The following TTC5 variants were observed in gnomAD, a reference collection of about 807,000 sequenced individuals.
The protein encoded by TTC5 is tetratricopeptide repeat domain 5.
Under a neutral mutation model 57.4 loss-of-function variants are expected in TTC5, and 46 were observed. The observed-to-expected ratio is 0.80, with a 90% confidence interval of 0.63 to 1.03. The LOEUF (loss-of-function observed/expected upper bound fraction) is 1.03. Among genes scored for constraint, TTC5 ranks in the 50% least tolerant of loss-of-function variants. TTC5 has a pLI of 0.00. For synonymous variants in TTC5, 190 were observed against 203.5 expected (o/e 0.93, Z 0.57); for missense variants, 504 against 528.1 (o/e 0.95, Z 0.45).
At chr14:20,292,905 C>T (rs990897234) in intron 8 of TTC5, 2 of 152,120 alleles carry the variant, frequency 1.3e-5, no homozygotes, top group Non-Finnish European at 2.9e-5. Context: ...TGTTAAAAAC[C>T]TCTGAGGGGA....
chr14:20,298,938 A>G, intron 4 of TTC5, 50 bp from the exon 5 acceptor site: 1 of 1,370,232 alleles, frequency 7.3e-7, no homozygotes, highest in South Asian at 1.2e-5. Context: ...AGTTCAAGAT[A>G]TGACTTATTT....
rs1881881079 is a variant in TTC5, at chr14:20,288,301, T to G, written c.*1326A>C. The G allele has an allele frequency of 6.6e-6, 1 of 152,246 alleles. No individual in the cohort carries two copies. Among genetic ancestry groups the G allele is most frequent in the Admixed American group, 6.5e-5 (1 of 15,280 alleles). The allele number at this position is 152,246 out of a possible 1,614,324, so 9.4% of individuals were successfully genotyped here. A position where few individuals can be genotyped will look rare whatever the true frequency, so the allele number is the denominator to read the frequency against. On this transcript the variant is annotated 3_prime_UTR_variant, in exon 10 of 10. Coordinates refer to ENST00000258821, the MANE Select transcript of TTC5 (RefSeq NM_138376.3). Reference sequence around the variant, plus strand: ...CTTTATAAATTTAATGAGTCATCAATGATATTCAAGGCACTGATCAAAAAC... The same window carrying G: ...CTTTATAAATTTAATGAGTCATCAAGGATATTCAAGGCACTGATCAAAAAC...
At chr14:20,297,339 A>C (rs1882086798) in intron 5 of TTC5, among the ~76,000 whole-genome samples, 1 of 152,242 alleles carries the variant, frequency 6.6e-6, no homozygotes, top group Admixed American at 6.5e-5. Flanking sequence ...GGCTATGTTC[A>C]TGACTATGCT....
intron 5 of TTC5, among the ~76,000 whole-genome samples, chr14:20,296,888 C>T (rs1180721884): frequency 6.6e-6 from 1 of 152,056 alleles, no homozygotes; most frequent in Non-Finnish European, 1.5e-5. Flanking sequence ...TGGCATGCAC[C>T]TGTAATTCCA....
rs1394704896 is a variant in TTC5, at chr14:20,289,715, G to A, written c.1235C>T (p.Thr412Met). The A allele has an allele frequency of 5.6e-6, 9 of 1,613,700 alleles. No individual in the cohort carries two copies. Among genetic ancestry groups the A allele is most frequent in the East Asian group, 2.2e-5 (1 of 44,878 alleles). ...CCCATTCACCACTAGCAGGAGGGGC[G>A]TCTCCACTCGAACACTGGAAAAGGA... Reference protein sequence around the residue: ...DYSFSSVRVETPLLLVVNGKP... With the variant: ...DYSFSSVRVEMPLLLVVNGKP... The change falls in exon 10 of 10, where the codon ACG becomes ATG. Residue 412 changes from threonine (T) to methionine (M), a missense_variant. By Grantham distance (81) the Thr-to-Met change is moderately conservative. Coordinates refer to ENST00000258821, the MANE Select transcript of TTC5 (RefSeq NM_138376.3).
chr14:20,305,685 ACCGCAGTCAGGTCG>A (rs1341244668), intron 1 of TTC5, 188 bp downstream of exon 1: 1 of 607,926 alleles, frequency 1.6e-6, no homozygotes, highest in African/African-American at 1.8e-5. Context: ...ACTGAAATTA[ACCGCAGTCAGGTCG>A]GCAGCAGGAG....
chr14:20,296,149 T>G (rs1307065376), intron 6 of TTC5, among the ~76,000 whole-genome samples: 1 of 152,180 alleles, frequency 6.6e-6, no homozygotes, highest in Non-Finnish European at 1.5e-5. Flanking sequence ...TCAGAAGTCT[T>G]CTAAAAGATC....
At chr14:20,295,904 C>T (rs760293372) in intron 6 of TTC5, 50 bp from the exon 7 acceptor site, 7 of 1,491,210 alleles carry the variant, frequency 4.7e-6, no homozygotes, top group African/African-American at 4.2e-5. Context: ...CAAACTATCC[C>T]GAGGGAATGG....
In TTC5 at chr14:20,305,853, A is replaced by G. The variant is rs1882281030; in HGVS notation, c.51+34T>C. On this transcript the variant is annotated intron_variant, in intron 1 of 9. Coordinates refer to ENST00000258821, the MANE Select transcript of TTC5 (RefSeq NM_138376.3). ...GACTCCCTGCTTCATTCGGAGTAACAAAAACACATACAGAATTTAATCTAC... is the reference window on the plus strand; with the variant it reads ...GACTCCCTGCTTCATTCGGAGTAACGAAAACACATACAGAATTTAATCTAC... 6.2e-6 allele frequency: 10 copies of G among 1,608,756 alleles called. No individual in the cohort carries two copies. The East Asian group carries it at 2.2e-4, about 36-fold the overall frequency.
chr14:20,289,821 T>C, intron 9 of TTC5, 75 bp from the exon 10 acceptor site: 1 of 1,468,812 alleles, frequency 6.8e-7, no homozygotes, highest in Non-Finnish European at 9.1e-7. Context: ...GATACACCAC[T>C]TGCAACTTTC....
intron 5 of TTC5, among the ~76,000 whole-genome samples, chr14:20,297,721 C>T (rs1217791447): frequency 2.0e-5 from 3 of 151,230 alleles, no homozygotes; most frequent in African/African-American, 4.9e-5. Context: ...TGCAGTGAGC[C>T]GAGATCGTGC....
At chr14:20,289,854 A>G in intron 9 of TTC5, 108 bp from the exon 10 acceptor site, 1 of 1,176,276 alleles carries the variant, frequency 8.5e-7, no homozygotes, top group East Asian at 2.6e-5. Context: ...CCTGTTGTAT[A>G]CCCCCTCTAC....
At chr14:20,295,245 G>A in intron 8 of TTC5, 67 bp downstream of exon 8, 2 of 1,453,552 alleles carry the variant, frequency 1.4e-6, no homozygotes, top group South Asian at 2.3e-5. Flanking sequence ...AACTGCCAGG[G>A]AAAGAACAGG....
chr14:20,293,357 G>A (rs1000596023), intron 8 of TTC5: 1 of 151,624 alleles, frequency 6.6e-6, no homozygotes, highest in African/African-American at 2.4e-5. Flanking sequence ...TATCCAGGCA[G>A]AGTAACTGTA....
Position 20,301,835 on chromosome 14 carries a change from A to T in TTC5, c.182T>A (p.Val61Glu). 1 of 1,614,014 alleles carries T rather than the reference A, an allele frequency of 6.2e-7. No homozygotes were observed. The highest frequency in any genetic ancestry group is 2.2e-5 in the East Asian group (1 of 44,866). ...EKTLQQMEEV[V>E]GSVQGKAQVL... is the part of the protein sequence containing the mutation. Reference sequence around the variant, plus strand: ...TGTACAATCTCTAGGGCTCATACCCACTACTTCTTCCATCTGCTGTAGGGT... The same window carrying T: ...TGTACAATCTCTAGGGCTCATACCCTCTACTTCTTCCATCTGCTGTAGGGT... Residue 61 changes from valine to glutamate, a missense_variant and splice_region_variant, in exon 2 of 10, where the codon GTG becomes GAG. Coordinates refer to ENST00000258821, the MANE Select transcript of TTC5 (RefSeq NM_138376.3).
intron 6 of TTC5, among the ~76,000 whole-genome samples, chr14:20,296,176 A>G (rs572655694): frequency 1.3e-5 from 2 of 152,210 alleles, no homozygotes; most frequent in South Asian, 4.1e-4. Context: ...TTCTCTACCT[A>G]TTCTTCCACC....
At chr14:20,304,809 ATTG>A (rs1882257853) in intron 1 of TTC5, among the ~76,000 whole-genome samples, 1 of 152,158 alleles carries the variant, frequency 6.6e-6, no homozygotes, top group African/African-American at 2.4e-5. Flanking sequence ...GTTTGGTTTT[ATTG>A]TTTGGTTTTG....
intron 9 of TTC5, among the ~76,000 whole-genome samples, chr14:20,289,951 A>C (rs551638186): frequency 4.9e-4 from 75 of 152,332 alleles, no homozygotes; most frequent in African/African-American, 1.7e-3. Flanking sequence ...AACATGGAGC[A>C]TGTAAGGTCA....
intron 6 of TTC5, 108 bp downstream of exon 6, chr14:20,296,282 C>A: frequency 1.1e-6 from 1 of 888,382 alleles, no homozygotes; most frequent in South Asian, 1.4e-5. Context: ...TTTCCTCTCG[C>A]AGTCTGTACC....
Sources: allele counts gnomAD v4.1 joint callset (sites outside exome capture counted in the v4.1 genomes callset), GRCh38; gene constraint gnomAD v4.1.1; transcripts MANE v1.5; gene names NCBI Gene and HGNC (gene_info 2026-07-23, HGNC 2026-07-21).